Variants in PRR16 observed in about 807,000 individuals in gnomAD.
PRR16 encodes the protein proline rich 16.
PRR16 carries 6 observed loss-of-function variants against 18.2 expected under a neutral mutation model. The observed-to-expected ratio is 0.33, with a 90% confidence interval of 0.18 to 0.65. The LOEUF is 0.65. Ranked by LOEUF, PRR16 falls within the 30% of genes least tolerant of loss-of-function variation. The probability of loss-of-function intolerance (pLI) is 0.74; values close to 1 mark genes in which losing one functional copy is unlikely to be tolerated. For synonymous variants in PRR16, 151 were observed against 147.8 expected (o/e 1.02, Z -0.16); for missense variants, 412 against 376.6 (o/e 1.09, Z -0.78).
At chr5:120,496,655 G>T (rs2112836185) in intron 1 of PRR16, among the ~76,000 whole-genome samples, 1 of 151,830 alleles carries the variant, frequency 6.6e-6, no homozygotes, top group Non-Finnish European at 1.5e-5. Flanking sequence ...AAGAAAAAGG[G>T]CTCTATATTT....
intron 1 of PRR16, among the ~76,000 whole-genome samples, chr5:120,501,056 TAA>T (rs1229327326): frequency 6.6e-6 from 1 of 152,140 alleles, no homozygotes. Context: ...TATTTTCTCC[TAA>T]AGAATTCAGG....
chr5:120,612,057 C>A (rs1057354520), intron 1 of PRR16, among the ~76,000 whole-genome samples: 6 of 152,142 alleles, frequency 3.9e-5, no homozygotes, highest in African/African-American at 1.4e-4. Flanking sequence ...CATTTTGGGG[C>A]TTTAAAATTT....
intron 1 of PRR16, among the ~76,000 whole-genome samples, chr5:120,644,163 A>G (rs965496731): frequency 6.6e-6 from 1 of 152,156 alleles, no homozygotes; most frequent in African/African-American, 2.4e-5. Context: ...TTTCTACTTC[A>G]GGTAAACAGG....
chr5:120,529,485 C>T (rs989620648), intron 1 of PRR16, among the ~76,000 whole-genome samples: 5 of 152,108 alleles, frequency 3.3e-5, no homozygotes, highest in African/African-American at 1.2e-4. Context: ...GATTTGTCCT[C>T]TGTAAAACAA....
At chr5:120,512,699 T>C (rs1561524720) in intron 1 of PRR16, among the ~76,000 whole-genome samples, 1 of 152,130 alleles carries the variant, frequency 6.6e-6, no homozygotes, top group Non-Finnish European at 1.5e-5. Context: ...AAACAGCCTG[T>C]GTAACAATGA....
At chr5:120,688,985 A>G (rs1757179238), downstream of PRR16, among the ~76,000 whole-genome samples, 1 of 152,140 alleles carries the variant, frequency 6.6e-6, no homozygotes, top group Admixed American at 6.6e-5. Flanking sequence ...GGTGACATAT[A>G]CCAAAACTAC....
chr5:120,489,494 C>G (rs1475692065), intron 1 of PRR16, among the ~76,000 whole-genome samples: 2 of 151,610 alleles, frequency 1.3e-5, no homozygotes, highest in Non-Finnish European at 1.5e-5. Flanking sequence ...TTTTTGTTTT[C>G]CATTTGCTTG....
the PRR16 span, among the ~76,000 whole-genome samples, chr5:120,765,390 G>A: frequency 6.6e-6 from 1 of 152,020 alleles, no homozygotes; most frequent in African/African-American, 2.4e-5. Context: ...GACTGTGACA[G>A]TGGTGAAAAG....
At position 120,464,531 on chromosome 5, in the gene PRR16, C is replaced by T. The variant is rs985586117; in HGVS notation, c.45C>T (p.Ala15=). 1.9e-6 allele frequency: 3 copies of T among 1,591,754 alleles called. No individual in the cohort carries two copies. Among genetic ancestry groups the T allele is most frequent in the African/African-American group, 2.7e-5 (2 of 74,842 alleles). Reference sequence around the variant, plus strand: ...GGAACCCCTCCTCGTCCTGTCCAGCCGAGGGACCGCCGGCAGCCTCCAAAA... The same window carrying T: ...GGAACCCCTCCTCGTCCTGTCCAGCTGAGGGACCGCCGGCAGCCTCCAAAA... ...SKGNPSSSCP[A]EGPPAASKTK... is the part of the protein sequence containing the mutation. Residue 15 remains alanine (A), a synonymous_variant, in exon 1 of 2, where the codon GCC becomes GCT. Coordinates refer to ENST00000407149, the MANE Select transcript of PRR16 (RefSeq NM_001300783.2).
chr5:120,634,423 C>A (rs1375915413), intron 1 of PRR16, among the ~76,000 whole-genome samples: 2 of 152,100 alleles, frequency 1.3e-5, no homozygotes, highest in East Asian at 3.9e-4. Flanking sequence ...GCAGGGGGAT[C>A]AATTGAGGTG....
At chr5:120,709,712 C>T in the PRR16 span, among the ~76,000 whole-genome samples, 1 of 152,050 alleles carries the variant, frequency 6.6e-6, no homozygotes, top group African/African-American at 2.4e-5. Flanking sequence ...TTTTTCAGCT[C>T]ACATATGAGT....
Position 120,661,899 on chromosome 5 carries a change from C to T in PRR16, c.160-24055C>T, listed in dbSNP as rs146330061. Among the ~76,000 whole-genome samples the T allele has an allele frequency of 4.3e-3, 660 of 152,194 alleles. 4 individuals carry two copies. The highest frequency in any genetic ancestry group is 0.015 in the African/African-American group (634 of 41,548). ...TCTGAGGAACCACTAGTATGTTTAT[C>T]CTTAGACCTAAGAAATGGTTCAACA... On this transcript the variant is annotated intron_variant, in intron 1 of 1. Coordinates refer to ENST00000407149, the MANE Select transcript of PRR16 (RefSeq NM_001300783.2).
chr5:120,563,534 G>A (rs889389493), intron 1 of PRR16, among the ~76,000 whole-genome samples: 4 of 152,170 alleles, frequency 2.6e-5, no homozygotes. Context: ...AACAGCCCAT[G>A]AAGGGTTCTT....
chr5:120,694,794 A>C, the PRR16 span, among the ~76,000 whole-genome samples: 5 of 152,254 alleles, frequency 3.3e-5, no homozygotes, highest in Admixed American at 3.3e-4. Context: ...ATAGCACATG[A>C]ATAAATGTAT....
chr5:120,521,022 A>G (rs6888327), intron 1 of PRR16, among the ~76,000 whole-genome samples: 40,645 of 151,990 alleles, frequency 0.27, 6,934 homozygotes, highest in African/African-American at 0.49. Flanking sequence ...AAGCAGAGGG[A>G]TAATTTGAAC....
chr5:120,480,363 C>T (rs776886830), intron 1 of PRR16, among the ~76,000 whole-genome samples: 3 of 152,176 alleles, frequency 2.0e-5, no homozygotes, highest in Non-Finnish European at 4.4e-5. Flanking sequence ...TTCTGTAGCT[C>T]AGGTAACCTA....
At chr5:120,715,721 T>G in the PRR16 span, among the ~76,000 whole-genome samples, 5 of 152,188 alleles carry the variant, frequency 3.3e-5, no homozygotes, top group African/African-American at 1.2e-4. Context: ...GTATTTTTCT[T>G]TTGTTATTTT....
the PRR16 span, among the ~76,000 whole-genome samples, chr5:120,753,269 C>T: frequency 1.3e-5 from 2 of 151,986 alleles, no homozygotes; most frequent in Non-Finnish European, 2.9e-5. Context: ...ATCAGTCACT[C>T]ATTTGTGAAA....
chr5:120,749,273 G>C, the PRR16 span, among the ~76,000 whole-genome samples: 1 of 151,910 alleles, frequency 6.6e-6, no homozygotes, highest in African/African-American at 2.4e-5. Flanking sequence ...AAATGTGCAG[G>C]ATTAAATTGA....
Sources: allele counts gnomAD v4.1 joint callset (sites outside exome capture counted in the v4.1 genomes callset), GRCh38; gene constraint gnomAD v4.1.1; transcripts MANE v1.5; gene names NCBI Gene and HGNC (gene_info 2026-07-23, HGNC 2026-07-21).